Variants in NELL1 observed in about 807,000 individuals in gnomAD.
NELL1 encodes the protein protein kinase C-binding protein NELL1.
In NELL1, 76 loss-of-function variants were observed where a neutral mutation model predicts 107.4. That is an observed-to-expected ratio of 0.71 (90% CI 0.59 to 0.86). The LOEUF (loss-of-function observed/expected upper bound fraction) is 0.86, where lower values mean the gene tolerates loss of function less well. Among genes scored for constraint, NELL1 ranks in the 40% least tolerant of loss-of-function variants. The pLI, the probability that NELL1 is intolerant of heterozygous loss-of-function variation, is 0.00. For synonymous variants in NELL1, 353 were observed against 341.2 expected (o/e 1.03, Z -0.38); for missense variants, 1,024 against 1,005.5 (o/e 1.02, Z -0.25).
chr11:20,727,366 C>A (rs1438673834), intron 2 of NELL1, among the ~76,000 whole-genome samples: 2 of 152,162 alleles, frequency 1.3e-5, no homozygotes. Context: ...AGCATTTTTT[C>A]ATTTATCTGT....
intron 15 of NELL1, among the ~76,000 whole-genome samples, chr11:21,391,680 C>T (rs1342579743): frequency 3.3e-5 from 5 of 151,690 alleles, no homozygotes; most frequent in African/African-American, 1.2e-4. Context: ...CAGGGTCTCA[C>T]CCTACCCAGT....
rs182266631 is a variant in NELL1 at position 21,129,503 on chromosome 11, C to G, written c.1426+15789C>G. Among the ~76,000 whole-genome samples the G allele has an allele frequency of 3.9e-5, 6 of 152,172 alleles. No homozygotes were observed. In the East Asian group the frequency reaches 9.6e-4, roughly 24 times the overall value. On this transcript the variant is annotated intron_variant, in intron 13 of 19. Transcript: ENST00000357134. Reference sequence around the variant, plus strand: ...TATTGACAATAAAGTGTGGAAGTAACTCAAGTATCCATCAATGAATGAATG... The same window carrying G: ...TATTGACAATAAAGTGTGGAAGTAAGTCAAGTATCCATCAATGAATGAATG...
At chr11:20,755,232 G>A (rs1453144586) in intron 2 of NELL1, among the ~76,000 whole-genome samples, 12 of 152,144 alleles carry the variant, frequency 7.9e-5, no homozygotes, top group Non-Finnish European at 1.6e-4. Flanking sequence ...CATTTTGACT[G>A]AAGCAGGCAG....
intron 12 of NELL1, among the ~76,000 whole-genome samples, chr11:21,038,755 C>T (rs544502843): frequency 6.6e-6 from 1 of 152,252 alleles, no homozygotes; most frequent in South Asian, 2.1e-4. Flanking sequence ...AACAGTGTGG[C>T]CTGTGGACCA....
chr11:21,177,324 CT>C (rs755921823), intron 13 of NELL1, among the ~76,000 whole-genome samples: 12 of 151,810 alleles, frequency 7.9e-5, no homozygotes, highest in Non-Finnish European at 1.6e-4. Flanking sequence ...ATGAGTTTGA[CT>C]TTTTTAGATT....
At chr11:21,202,739 C>T (rs1033022827) in intron 13 of NELL1, among the ~76,000 whole-genome samples, 1 of 152,160 alleles carries the variant, frequency 6.6e-6, no homozygotes, top group Non-Finnish European at 1.5e-5. Context: ...TTAGATCTTT[C>T]CTGCTTTACC....
intron 2 of NELL1, among the ~76,000 whole-genome samples, chr11:20,735,759 G>A (rs926058713): frequency 1.3e-5 from 2 of 152,222 alleles, no homozygotes; most frequent in South Asian, 4.1e-4. Context: ...TATGGGGTTA[G>A]ATAAAAAGGT....
intron 2 of NELL1, among the ~76,000 whole-genome samples, chr11:20,693,316 T>A (rs929256173): frequency 2.0e-5 from 3 of 152,152 alleles, no homozygotes; most frequent in Admixed American, 6.5e-5. Context: ...TATGTGAATT[T>A]GATCCTGTCA....
At chr11:20,915,727 T>A (rs1249812926) in intron 5 of NELL1, among the ~76,000 whole-genome samples, 2 of 10,794 alleles carry the variant, frequency 1.9e-4, no homozygotes, top group East Asian at 3.3e-3. Context: ...ATTTTTTTTT[T>A]TTTTTTTTGA....
chr11:20,852,131 T>G (rs1258530235), intron 4 of NELL1, among the ~76,000 whole-genome samples: 1 of 152,200 alleles, frequency 6.6e-6, no homozygotes, highest in African/African-American at 2.4e-5. Flanking sequence ...AGCTCTTAAG[T>G]GCAGTCTATC....
intron 2 of NELL1, among the ~76,000 whole-genome samples, chr11:20,706,881 T>G (rs1038158520): frequency 2.2e-4 from 34 of 152,132 alleles, no homozygotes; most frequent in Non-Finnish European, 4.4e-4. Flanking sequence ...TCAAGGAGTA[T>G]CTTTGTGGCG....
chr11:21,459,144 G>T (rs1053465237), intron 15 of NELL1, among the ~76,000 whole-genome samples: 3 of 151,964 alleles, frequency 2.0e-5, no homozygotes, highest in African/African-American at 2.4e-5. Context: ...GACTTAAAAT[G>T]TATAGGGTAG....
chr11:21,528,227 T>A (rs548270778), intron 15 of NELL1, among the ~76,000 whole-genome samples: 1 of 152,222 alleles, frequency 6.6e-6, no homozygotes, highest in African/African-American at 2.4e-5. Context: ...TCATTCAATC[T>A]TTAAAACAAC....
intron 15 of NELL1, among the ~76,000 whole-genome samples, chr11:21,431,803 T>C (rs1490303622): frequency 1.3e-5 from 2 of 152,164 alleles, no homozygotes; most frequent in Admixed American, 6.5e-5. Flanking sequence ...TTTTTTATGC[T>C]CAACTCTGTT....
At chr11:20,787,023 A>AAGAAAC (rs1490220021) in intron 3 of NELL1, among the ~76,000 whole-genome samples, 3 of 150,330 alleles carry the variant, frequency 2.0e-5, no homozygotes, top group Admixed American at 6.6e-5. Flanking sequence ...AAAAAAAAAA[A>AAGAAAC]AAAAAAAAGG....
chr11:21,359,057 T>G (rs1178639818), intron 14 of NELL1, among the ~76,000 whole-genome samples: 1 of 152,168 alleles, frequency 6.6e-6, no homozygotes, highest in Non-Finnish European at 1.5e-5. Context: ...CGTGTTCCAG[T>G]TCTCAAGGGG....
chr11:21,260,678 C>A (rs1848510220), intron 14 of NELL1: 1 of 151,846 alleles, frequency 6.6e-6, no homozygotes, highest in African/African-American at 2.4e-5. Flanking sequence ...GATAGAGAGT[C>A]TTCATCCACA....
chr11:21,556,015 T>C (rs1856695613), intron 16 of NELL1, among the ~76,000 whole-genome samples: 5 of 151,956 alleles, frequency 3.3e-5, no homozygotes, highest in Non-Finnish European at 5.9e-5. Flanking sequence ...GCAAGTTACA[T>C]CAGACTTCAG....
intron 14 of NELL1, among the ~76,000 whole-genome samples, chr11:21,276,096 A>G (rs1410003813): frequency 1.3e-5 from 2 of 152,224 alleles, no homozygotes; most frequent in Non-Finnish European, 2.9e-5. Flanking sequence ...AATTAGGAAA[A>G]GAGGAAGTCA....
Sources: gnomAD v4.1 joint callset for allele counts (sites outside exome capture counted in the v4.1 genomes callset) on GRCh38, gnomAD v4.1.1 for gene constraint, MANE v1.5 for transcripts, NCBI Gene and HGNC (gene_info 2026-07-23, HGNC 2026-07-21) for gene names.